The following ITPRID2 variants were observed in gnomAD, a reference collection of about 807,000 sequenced individuals.
The protein encoded by ITPRID2 is ITPR interacting domain containing 2.
In ITPRID2, 60 loss-of-function variants were observed where a neutral mutation model predicts 124.3. The ratio of observed to expected loss-of-function variants is 0.48; its 90% CI spans 0.39 to 0.60. The LOEUF is 0.60. Ranked by LOEUF, ITPRID2 falls within the 20% of genes least tolerant of loss-of-function variation. The pLI is 0.00. For synonymous variants in ITPRID2, 521 were observed against 542.9 expected (o/e 0.96, Z 0.56); for missense variants, 1,553 against 1,512.2 (o/e 1.03, Z -0.45).
At chr2:181,908,992 G>A (rs1693381123) in intron 8 of ITPRID2, among the ~76,000 whole-genome samples, 1 of 151,998 alleles carries the variant, frequency 6.6e-6, no homozygotes, top group Non-Finnish European at 1.5e-5. Context: ...CATTCCCTAT[G>A]TATTTAATGT....
At chr2:181,898,191 T>C (rs1692367377) in intron 4 of ITPRID2, among the ~76,000 whole-genome samples, 1 of 152,160 alleles carries the variant, frequency 6.6e-6, no homozygotes, top group South Asian at 2.1e-4. Flanking sequence ...AAACACAAAA[T>C]TGTCATAACT....
Position 181,909,935 on chromosome 2 carries a change from G to A in ITPRID2, c.1450G>A (p.Ala484Thr), listed in dbSNP as rs1237737312. The change falls in exon 9 of 18, where the codon GCC becomes ACC. Residue 484 changes from alanine to threonine, a missense_variant. By Grantham distance (58) the Ala-to-Thr change is moderately conservative. Coordinates refer to ENST00000431877, the MANE Select transcript of ITPRID2 (RefSeq NM_001130445.3). Reference sequence around the variant, plus strand: ...GGAGGGAGAAGCTCCTCATGTTCCAGCCACTTACCAGCTAGGTCTTACGAA... The same window carrying A: ...GGAGGGAGAAGCTCCTCATGTTCCAACCACTTACCAGCTAGGTCTTACGAA... ...STEGEAPHVPATYQLGLTKSK... is the reference protein window; with the variant it reads ...STEGEAPHVPTTYQLGLTKSK... 3 of 1,613,138 alleles carry A rather than the reference G, an allele frequency of 1.9e-6. No homozygotes were observed. Among genetic ancestry groups the A allele is most frequent in the Middle Eastern group, 1.6e-4 (1 of 6,078 alleles).
intron 4 of ITPRID2, 91 bp downstream of exon 4, chr2:181,897,055 A>G (rs1692261247): frequency 2.7e-6 from 3 of 1,102,782 alleles, no homozygotes; most frequent in South Asian, 1.3e-5. Context: ...ATGATCCTCA[A>G]GCTAAATTTA....
chr2:181,920,824 C>T (rs1574294434), intron 15 of ITPRID2, among the ~76,000 whole-genome samples, 162 bp downstream of exon 15: 1 of 152,298 alleles, frequency 6.6e-6, no homozygotes, highest in African/African-American at 2.4e-5. Flanking sequence ...CCATTGCTGT[C>T]TGAAGCCACT....
In ITPRID2 at chr2:181,918,877, G is replaced by GGA. The variant is rs776352868; in HGVS notation, c.2992_2993dup (p.Phe999GlyfsTer10). On this transcript the variant is annotated frameshift_variant, in exon 13 of 18. Coordinates refer to ENST00000431877, the MANE Select transcript of ITPRID2 (RefSeq NM_001130445.3). LOFTEE classifies it high-confidence loss of function. ...TGGTTTATCATCATATGACTGAGGA[G>GGA]GAGAGGTAAAAGTTCATTTTGTCTT... is the stretch of plus-strand genomic sequence containing the variant. 1 of 1,613,614 alleles carries GGA rather than the reference G, an allele frequency of 6.2e-7. No individual in the cohort carries two copies. The highest frequency in any genetic ancestry group is 8.5e-7 in the Non-Finnish European group (1 of 1,179,938).
intron 16 of ITPRID2, among the ~76,000 whole-genome samples, chr2:181,922,976 G>A (rs1368295737): frequency 6.6e-6 from 1 of 152,130 alleles, no homozygotes. Context: ...AAATGATTTT[G>A]TGATTTTAAT....
Position 181,892,447 on chromosome 2 carries a change from C to T in ITPRID2, c.212-168C>T, listed in dbSNP as rs146602739. 525 of 1,112,978 alleles carry T rather than the reference C, an allele frequency of 4.7e-4. 9 individuals carry two copies. In the East Asian group the frequency reaches 0.013, roughly 28 times the overall value. The allele number at this position is 1,112,978 out of a possible 1,614,324, so 68.9% of individuals were successfully genotyped here. On this transcript the variant is annotated intron_variant, in intron 1 of 17. Transcript: ENST00000431877. The surrounding 1 kb of genome is among the most constrained non-coding windows in gnomAD (Gnocchi z 5.2). ...GCGCTGAACGAGGCGCCCCCAGCGT[C>T]AACACAGACAACTGGGTGCCATCCG... is the stretch of plus-strand genomic sequence containing the variant.
chr2:181,918,243 A>C, intron 11 of ITPRID2: 3 of 967,936 alleles, frequency 3.1e-6, no homozygotes, highest in Non-Finnish European at 3.7e-6. Context: ...CTCTCCAGCA[A>C]AGTTAATAAT....
In ITPRID2 at chr2:181,922,104, G is replaced by A. The variant is rs369172795; in HGVS notation, c.3367G>A (p.Ala1123Thr). ...TTCTGTATGTTCTGGTCCCTCTCATGCTAACAGAAGAACTGGAGTACCTTC... is the reference window on the plus strand; with the variant it reads ...TTCTGTATGTTCTGGTCCCTCTCATACTAACAGAAGAACTGGAGTACCTTC... ...SSSVCSGPSH[A>T]NRRTGVPSTA... Residue 1123 changes from alanine (A) to threonine (T), a missense_variant, in exon 16 of 18, where the codon GCT becomes ACT. Physicochemically the swap from Ala to Thr is moderately conservative, Grantham distance 58. Transcript: ENST00000431877. 68 of 1,614,074 alleles carry A rather than the reference G, an allele frequency of 4.2e-5. No individual in the cohort carries two copies. The highest frequency in any genetic ancestry group is 5.6e-5 in the Non-Finnish European group (66 of 1,180,048).
Position 181,901,950 on chromosome 2 carries a change from C to A in ITPRID2, c.897C>A (p.Leu299=), listed in dbSNP as rs113388788. ...CTGCAAATCGTTTAATGAAAACACT[C>A]TCAAAACTGAATTTATGTGTTGATA... ...SNTANRLMKT[L]SKLNLCVDKT... is the part of the protein sequence containing the mutation. The change falls in exon 8 of 18, where the codon CTC becomes CTA. Residue 299 remains leucine (L), a synonymous_variant. Transcript: ENST00000431877. The A allele has an allele frequency of 1.2e-6, 2 of 1,613,860 alleles. No individual in the cohort carries two copies. Among genetic ancestry groups the A allele is most frequent in the Non-Finnish European group, 1.7e-6 (2 of 1,179,900 alleles).
In ITPRID2 at chr2:181,892,229, G is replaced by C; in HGVS notation, c.163G>C (p.Glu55Gln). ...EATTQDEEED[E>Q]EEDLPGAQLP... ...GACGACGCAGGACGAGGAGGAGGAC[G>C]AGGAGGAGGACCTCCCCGGCGCGCA... The change falls in exon 1 of 18, where the codon GAG becomes CAG. Residue 55 changes from glutamate to glutamine, a missense_variant. Glu to Gln is a conservative substitution (Grantham distance 29). Coordinates refer to ENST00000431877, the MANE Select transcript of ITPRID2 (RefSeq NM_001130445.3). The surrounding 1 kb of genome is among the most constrained non-coding windows in gnomAD (Gnocchi z 5.2). 3 of 1,551,004 alleles carry C rather than the reference G, an allele frequency of 1.9e-6. No individual in the cohort carries two copies. Among genetic ancestry groups the C allele is most frequent in the Non-Finnish European group, 1.7e-6 (2 of 1,147,112 alleles).
In ITPRID2 at chr2:181,918,757, T is replaced by C. The variant is rs1268298758; in HGVS notation, c.2868T>C (p.Asn956=). Residue 956 remains asparagine (N), a splice_region_variant and synonymous_variant, in exon 13 of 18, where the codon AAT becomes AAC. Transcript: ENST00000431877. ...AATTTTGTTATATTGCATTCTAGAA[T>C]ACTTTTCAGGAGCTCCAGGTAATGA... ...QKSSVLPLYE[N]TFQELQVMRR... 6.2e-7 allele frequency: 1 copy of C among 1,613,954 alleles called. No homozygotes were observed. The highest frequency in any genetic ancestry group is 8.5e-7 in the Non-Finnish European group (1 of 1,179,962).
rs77814128 is a variant in ITPRID2 at position 181,903,138 on chromosome 2, A to C, written c.1413+672A>C. On this transcript the variant is annotated intron_variant, in intron 8 of 17. Coordinates refer to ENST00000431877, the MANE Select transcript of ITPRID2 (RefSeq NM_001130445.3). ...GAAAAGATAAAAGATACTTATTTTG[A>C]ATGAGGTTCAGCTAAAACTGCTTCT... Among the ~76,000 whole-genome samples, 727 of 152,324 alleles carry C rather than the reference A, an allele frequency of 4.8e-3. 11 individuals are homozygous for C. Among genetic ancestry groups the C allele is most frequent in the African/African-American group, 0.017 (688 of 41,578 alleles).
chr2:181,902,146 G>C lies in ITPRID2; in HGVS notation c.1093G>C (p.Gly365Arg), dbSNP rs572328537. 2 of 1,613,606 alleles carry C rather than the reference G, an allele frequency of 1.2e-6. No individual in the cohort carries two copies. The highest frequency in any genetic ancestry group is 1.1e-5 in the South Asian group (1 of 90,928). Residue 365 changes from glycine to arginine, a missense_variant, in exon 8 of 18, where the codon GGT becomes CGT. By Grantham distance (125) the Gly-to-Arg change is moderately radical (BLOSUM62 -2). Transcript: ENST00000431877. The surrounding 1 kb of genome is among the most constrained non-coding windows in gnomAD (Gnocchi z 4.4). ...MLATVKEEVS[G>R]SSAAVTENAD... is the part of the protein sequence containing the mutation. Reference sequence around the variant, plus strand: ...GGCTACAGTTAAAGAAGAAGTCTCTGGTAGTTCAGCAGCTGTTACGGAGAA... The same window carrying C: ...GGCTACAGTTAAAGAAGAAGTCTCTCGTAGTTCAGCAGCTGTTACGGAGAA...
At chr2:181,924,910 CTGTT>C (rs1694735855) in intron 16 of ITPRID2, among the ~76,000 whole-genome samples, 1 of 152,168 alleles carries the variant, frequency 6.6e-6, no homozygotes, top group Non-Finnish European at 1.5e-5. Context: ...TGGCCTGAAA[CTGTT>C]TGCAGTTACT....
At chr2:181,918,699 T>G in intron 12 of ITPRID2, 24 bp downstream of exon 12, 1 of 1,613,812 alleles carries the variant, frequency 6.2e-7, no homozygotes, top group Non-Finnish European at 8.5e-7. Flanking sequence ...TACATCTTTG[T>G]GTTCCAAAAT....
chr2:181,896,816 ATT>A lies in ITPRID2; in HGVS notation c.308-89_308-88del. The stretch of plus-strand genomic sequence containing the variant: ...TCTGAAAGATTTTACTGTATAAGAT[ATT>A]TTGCTGGGTGAATTTAACTAAAACA... On this transcript the variant is annotated intron_variant, in intron 3 of 17. Transcript: ENST00000431877. The surrounding 1 kb of genome is among the most constrained non-coding windows in gnomAD (Gnocchi z 4.3). 1.1e-6 allele frequency: 1 copy of A among 947,164 alleles called. No homozygotes were observed. Among genetic ancestry groups the A allele is most frequent in the Non-Finnish European group, 1.7e-6 (1 of 584,756 alleles). The allele number at this position is 947,164 out of a possible 1,614,324, so 58.7% of individuals were successfully genotyped here.
chr2:181,898,989 T>C, intron 5 of ITPRID2, 25 bp from the exon 6 acceptor site: 1 of 1,598,640 alleles, frequency 6.3e-7, no homozygotes, highest in Non-Finnish European at 8.5e-7. Context: ...TTATAAAGTT[T>C]TATATAATCT....
In ITPRID2 at chr2:181,918,900, C is replaced by T. The variant is rs913245729; in HGVS notation, c.2993+18C>T. ...GAGGAGAGGTAAAAGTTCATTTTGT[C>T]TTAGCACACCTCAAAAAGCTTTTCA... On this transcript the variant is annotated intron_variant, in intron 13 of 17. Coordinates refer to ENST00000431877, the MANE Select transcript of ITPRID2 (RefSeq NM_001130445.3). The T allele has an allele frequency of 6.2e-7, 1 of 1,603,092 alleles. No individual in the cohort carries two copies. Among genetic ancestry groups the T allele is most frequent in the Non-Finnish European group, 8.5e-7 (1 of 1,177,214 alleles).
Sources: gnomAD v4.1 joint callset for allele counts (sites outside exome capture counted in the v4.1 genomes callset) on GRCh38, gnomAD v4.1.1 for gene constraint, Gnocchi (gnomAD v3.1) non-coding constraint, MANE v1.5 for transcripts, NCBI Gene and HGNC (gene_info 2026-07-23, HGNC 2026-07-21) for gene names.